PTPRT: variants seen among roughly 807,000 people sequenced by gnomAD.
PTPRT encodes receptor-type tyrosine-protein phosphatase T.
A neutral mutation model predicts 176.8 loss-of-function variants in PTPRT; 56 were observed. The ratio of observed to expected loss-of-function variants is 0.32; its 90% CI spans 0.26 to 0.40. PTPRT has a LOEUF of 0.40. Ranked by LOEUF, PTPRT falls within the 10% of genes least tolerant of loss-of-function variation. PTPRT has a pLI of 1.00. For missense variants in PTPRT, 1,540 were observed against 1,908.2 expected, an observed-to-expected ratio of 0.81 and a Z score of 3.60; for synonymous variants, 783 against 739.0, an observed-to-expected ratio of 1.06 and a Z score of -0.96.
intron 6 of PTPRT, among the ~76,000 whole-genome samples, chr20:42,700,646 C>A (rs2075961346): frequency 6.6e-6 from 1 of 152,132 alleles, no homozygotes; most frequent in African/African-American, 2.4e-5. Flanking sequence ...AAGAAAAGCA[C>A]AAAAGGATGT....
intron 1 of PTPRT, among the ~76,000 whole-genome samples, chr20:43,044,867 T>C (rs1437153738): frequency 6.6e-6 from 1 of 152,194 alleles, no homozygotes; most frequent in Non-Finnish European, 1.5e-5. Flanking sequence ...GCAGCTGCAG[T>C]GTAAAGGCTT....
rs80278049 is a variant in PTPRT at position 42,706,956 on chromosome 20, G to T, written c.860-28797C>A. Among the ~76,000 whole-genome samples the T allele has an allele frequency of 4.5e-4, 69 of 152,254 alleles. No individual in the cohort carries two copies. In the East Asian group the frequency reaches 8.5e-3, roughly 19 times the overall value. On this transcript the variant is annotated intron_variant, in intron 6 of 30. Transcript: ENST00000373187. ...CTTTATAGGAGAAGATGCACAGACA[G>T]GGAAACAGGGAGAATGCAGTGTGAA...
At chr20:42,309,356 C>T (rs1251037806) in intron 12 of PTPRT, among the ~76,000 whole-genome samples, 3 of 152,128 alleles carry the variant, frequency 2.0e-5, no homozygotes, top group African/African-American at 7.2e-5. Context: ...ACTGCACCCA[C>T]CCGCTGTTTA....
chr20:42,480,508 T>C (rs952889047), intron 7 of PTPRT, among the ~76,000 whole-genome samples: 2 of 152,232 alleles, frequency 1.3e-5, no homozygotes, highest in Non-Finnish European at 2.9e-5. Flanking sequence ...ACTCCTTCCA[T>C]TCTACATACA....
chr20:42,300,796 T>G (rs1053535283), intron 12 of PTPRT, among the ~76,000 whole-genome samples: 1 of 148,348 alleles, frequency 6.7e-6, no homozygotes, highest in Non-Finnish European at 1.5e-5. Flanking sequence ...ATTATTATAC[T>G]TTAAGTTTTA....
chr20:42,353,211 C>T (rs1010074886), intron 9 of PTPRT, among the ~76,000 whole-genome samples: 4 of 152,118 alleles, frequency 2.6e-5, no homozygotes, highest in Admixed American at 6.5e-5. Flanking sequence ...TAGAGCGTCC[C>T]GATGAGAATT....
chr20:43,062,476 G>A (rs1332213252), intron 1 of PTPRT, among the ~76,000 whole-genome samples: 1 of 152,178 alleles, frequency 6.6e-6, no homozygotes, highest in African/African-American at 2.4e-5. Flanking sequence ...ATAATAATGA[G>A]AAATAATAAT....
chr20:42,168,224 G>C (rs1222015439), intron 16 of PTPRT, among the ~76,000 whole-genome samples: 1 of 152,174 alleles, frequency 6.6e-6, no homozygotes, highest in Non-Finnish European at 1.5e-5. Context: ...AGGAGTGACA[G>C]AGTCAGAAGA....
chr20:42,610,835 T>C (rs555654183), intron 7 of PTPRT, among the ~76,000 whole-genome samples: 1 of 152,366 alleles, frequency 6.6e-6, no homozygotes, highest in East Asian at 1.9e-4. Context: ...AGAAATTCCA[T>C]ACCCTTCACT....
chr20:42,962,969 C>A (rs948979809), intron 1 of PTPRT, among the ~76,000 whole-genome samples: 1 of 152,008 alleles, frequency 6.6e-6, no homozygotes, highest in Admixed American at 6.6e-5. Context: ...GAGGCTGAGG[C>A]GGGTGGATCA....
Position 42,997,155 on chromosome 20 carries a change from G to T in PTPRT, c.89-111223C>A, listed in dbSNP as rs560621005. Among the ~76,000 whole-genome samples, 141 of 152,204 alleles carry T rather than the reference G, an allele frequency of 9.3e-4. 1 individual carries two copies. The highest frequency in any genetic ancestry group is 1.6e-3 in the Admixed American group (24 of 15,280). The stretch of plus-strand genomic sequence containing the variant: ...TTAGCAGATGGTATTTTCCAAAGAT[G>T]ACTACAACAGTATCTCCCACCCCCA... On this transcript the variant is annotated intron_variant, in intron 1 of 30. Transcript: ENST00000373187.
intron 9 of PTPRT, among the ~76,000 whole-genome samples, chr20:42,370,517 C>G (rs994133838): frequency 6.6e-6 from 1 of 152,174 alleles, no homozygotes; most frequent in Non-Finnish European, 1.5e-5. Context: ...AGGCAACTGT[C>G]TTCAGTGATT....
At chr20:42,824,096 C>T (rs1468241524) in intron 2 of PTPRT, among the ~76,000 whole-genome samples, 1 of 152,010 alleles carries the variant, frequency 6.6e-6, no homozygotes, top group Non-Finnish European at 1.5e-5. Context: ...ACCCACAAAA[C>T]TTTACTGAGG....
intron 7 of PTPRT, among the ~76,000 whole-genome samples, chr20:42,525,448 T>C (rs150919596): frequency 6.6e-6 from 1 of 152,218 alleles, no homozygotes; most frequent in Non-Finnish European, 1.5e-5. Context: ...GAAATTTTCC[T>C]AGGGCAGGCA....
At chr20:42,293,423 C>T (rs1463546007) in intron 12 of PTPRT, among the ~76,000 whole-genome samples, 1 of 152,112 alleles carries the variant, frequency 6.6e-6, no homozygotes, top group African/African-American at 2.4e-5. Context: ...GTCATTCTAC[C>T]TTCCAGACTT....
chr20:42,321,693 C>T (rs2057799633), intron 11 of PTPRT, among the ~76,000 whole-genome samples: 1 of 152,172 alleles, frequency 6.6e-6, no homozygotes, highest in African/African-American at 2.4e-5. Context: ...CCCAAATAGG[C>T]TGCCAACTTC....
intron 6 of PTPRT, among the ~76,000 whole-genome samples, chr20:42,706,749 A>T (rs1449945837): frequency 6.6e-6 from 1 of 152,224 alleles, no homozygotes; most frequent in Non-Finnish European, 1.5e-5. Flanking sequence ...TGAAATACCT[A>T]AAAATACAAT....
At chr20:43,062,715 C>T (rs906835086) in intron 1 of PTPRT, among the ~76,000 whole-genome samples, 1 of 152,166 alleles carries the variant, frequency 6.6e-6, no homozygotes, top group African/African-American at 2.4e-5. Context: ...TAATTCAAAC[C>T]TGAACATGGT....
intron 12 of PTPRT, among the ~76,000 whole-genome samples, chr20:42,311,424 C>T (rs917984291): frequency 1.3e-5 from 2 of 152,120 alleles, no homozygotes; most frequent in Admixed American, 6.5e-5. Context: ...ATGTCCAGAC[C>T]TCAGAATTCT....
Sources: gnomAD v4.1 joint callset for allele counts (sites outside exome capture counted in the v4.1 genomes callset) on GRCh38, gnomAD v4.1.1 for gene constraint, MANE v1.5 for transcripts, NCBI Gene and HGNC (gene_info 2026-07-23, HGNC 2026-07-21) for gene names.